The following TMEM182 variants were observed in gnomAD, a reference collection of about 807,000 sequenced individuals.
The protein encoded by TMEM182 is transmembrane protein 182.
In TMEM182, 20 loss-of-function variants were observed where a neutral mutation model predicts 26.8. The observed-to-expected ratio is 0.75, with a 90% CI of 0.53 to 1.09. TMEM182 has a LOEUF of 1.09. TMEM182 is among the 50% of genes least tolerant of loss of function. The probability of loss-of-function intolerance (pLI) is 0.00; values close to 1 mark genes in which losing one functional copy is unlikely to be tolerated. For missense variants in TMEM182, 277 were observed against 275.5 expected, an observed-to-expected ratio of 1.01 and a Z score of -0.04; for synonymous variants, 109 against 102.2, an observed-to-expected ratio of 1.07 and a Z score of -0.40.
At chr2:102,809,232 G>C (rs1002798987) in intron 4 of TMEM182, among the ~76,000 whole-genome samples, 20 of 152,256 alleles carry the variant, frequency 1.3e-4, no homozygotes, top group African/African-American at 4.6e-4. Flanking sequence ...CTTTTGTAGG[G>C]GTATGGTCAG....
intron 3 of TMEM182, 152 bp from the exon 4 acceptor site, chr2:102,797,711 G>C (rs1398007586): frequency 1.1e-6 from 1 of 883,062 alleles, no homozygotes; most frequent in Non-Finnish European, 1.7e-6. Context: ...AAGATCTCCT[G>C]TTTGTTCAGA....
At chr2:102,738,274 G>C (rs1679422520) in intron 1 of TMEM182, among the ~76,000 whole-genome samples, 1 of 152,120 alleles carries the variant, frequency 6.6e-6, no homozygotes, top group African/African-American at 2.4e-5. Flanking sequence ...TTATAACCTA[G>C]GAGGACATCT....
At chr2:102,769,804 G>C (rs1680600475) in intron 3 of TMEM182, among the ~76,000 whole-genome samples, 1 of 152,188 alleles carries the variant, frequency 6.6e-6, no homozygotes, top group African/African-American at 2.4e-5. Flanking sequence ...ACTAAACTGT[G>C]AATTACTTTT....
intron 3 of TMEM182, among the ~76,000 whole-genome samples, chr2:102,839,457 AT>A: frequency 6.8e-6 from 1 of 146,554 alleles, no homozygotes; most frequent in Non-Finnish European, 1.5e-5. Context: ...CTATATATAT[AT>A]ATATATATAT....
chr2:102,766,385 A>T (rs1378949724), intron 3 of TMEM182, among the ~76,000 whole-genome samples: 1 of 152,196 alleles, frequency 6.6e-6, no homozygotes, highest in Non-Finnish European at 1.5e-5. Flanking sequence ...CAATTTTTTT[A>T]AATTATCAAA....
chr2:102,827,026 G>T (rs985378289), intron 3 of TMEM182, among the ~76,000 whole-genome samples: 1 of 152,114 alleles, frequency 6.6e-6, no homozygotes, highest in Admixed American at 6.6e-5. Flanking sequence ...AGCTTTACTT[G>T]CCCTTGTCTT....
At chr2:102,772,281 C>A (rs1308079806) in intron 3 of TMEM182, among the ~76,000 whole-genome samples, 1 of 152,200 alleles carries the variant, frequency 6.6e-6, no homozygotes, top group South Asian at 2.1e-4. Context: ...GAGCACTGTT[C>A]TGGATGCTTC....
chr2:102,795,601 C>T (rs960011), intron 3 of TMEM182, among the ~76,000 whole-genome samples: 81,987 of 151,988 alleles, frequency 0.54, 22,687 homozygotes, highest in African/African-American at 0.65. Context: ...GGAACCTGGA[C>T]GGTCTTCAAA....
At chr2:102,746,323 G>T (rs917125250) in intron 1 of TMEM182, among the ~76,000 whole-genome samples, 1 of 151,892 alleles carries the variant, frequency 6.6e-6, no homozygotes, top group Non-Finnish European at 1.5e-5. Flanking sequence ...TCTTTATATG[G>T]TCTAAATACA....
At chr2:102,759,602 T>G (rs1350399365), upstream of TMEM182, among the ~76,000 whole-genome samples, 2 of 152,146 alleles carry the variant, frequency 1.3e-5, no homozygotes, top group Admixed American at 1.3e-4. Context: ...AATTATAGAA[T>G]AGCATGTGTA....
chr2:102,742,122 G>A (rs1404709931), intron 1 of TMEM182, among the ~76,000 whole-genome samples: 1 of 152,150 alleles, frequency 6.6e-6, no homozygotes, highest in African/African-American at 2.4e-5. Context: ...ATTATGTTAA[G>A]GGCTTTAATG....
chr2:102,822,085 A>AAAACATC (rs1421441978), downstream of TMEM182, among the ~76,000 whole-genome samples: 1 of 152,222 alleles, frequency 6.6e-6, no homozygotes, highest in Admixed American at 6.5e-5. Context: ...TACAGGCATC[A>AAAACATC]AAACATCAAG....
intron 1 of TMEM182, among the ~76,000 whole-genome samples, chr2:102,746,713 C>T (rs533929392): frequency 6.6e-6 from 1 of 152,028 alleles, no homozygotes; most frequent in African/African-American, 2.4e-5. Flanking sequence ...CTCAGCCTCT[C>T]GAGTAGCTGG....
At chr2:102,747,157 G>A (rs1424436022) in intron 1 of TMEM182, among the ~76,000 whole-genome samples, 1 of 152,144 alleles carries the variant, frequency 6.6e-6, no homozygotes, top group Non-Finnish European at 1.5e-5. Flanking sequence ...ATATTCTGTA[G>A]TATTTTGTTG....
At chr2:102,820,425 A>G (rs1024636717), downstream of TMEM182, among the ~76,000 whole-genome samples, 3 of 152,248 alleles carry the variant, frequency 2.0e-5, no homozygotes, top group Non-Finnish European at 4.4e-5. Flanking sequence ...CAAGGGATAT[A>G]GAGAACAGAC....
intron 3 of TMEM182, among the ~76,000 whole-genome samples, chr2:102,830,729 T>A (rs978510210): frequency 6.6e-6 from 1 of 152,216 alleles, no homozygotes; most frequent in Non-Finnish European, 1.5e-5. Flanking sequence ...TTGAAAAATA[T>A]ACAATTAAGT....
intron 1 of TMEM182, among the ~76,000 whole-genome samples, chr2:102,749,767 A>G (rs1679821189): frequency 6.6e-6 from 1 of 152,244 alleles, no homozygotes; most frequent in Admixed American, 6.5e-5. Flanking sequence ...TTCCCTTTGT[A>G]TGACAATATA....
chr2:102,808,792 A>G (rs1357433171), intron 4 of TMEM182, among the ~76,000 whole-genome samples: 2 of 152,246 alleles, frequency 1.3e-5, no homozygotes, highest in Non-Finnish European at 2.9e-5. Context: ...ACATGAATGC[A>G]TTCTCAGGCA....
intron 3 of TMEM182, among the ~76,000 whole-genome samples, chr2:102,789,381 C>G (rs1681538939): frequency 1.3e-5 from 2 of 152,222 alleles, no homozygotes; most frequent in Non-Finnish European, 2.9e-5. Flanking sequence ...ACTTTTCTCT[C>G]TATACCCTCT....
Sources: allele counts gnomAD v4.1 joint callset (sites outside exome capture counted in the v4.1 genomes callset), GRCh38; gene constraint gnomAD v4.1.1; transcripts MANE v1.5; gene names NCBI Gene and HGNC (gene_info 2026-07-23, HGNC 2026-07-21).